SRRM3: variants seen among roughly 807,000 people sequenced by gnomAD.
The protein encoded by SRRM3 is serine/arginine repetitive matrix 3.
Under a neutral mutation model 66.2 loss-of-function variants are expected in SRRM3, and 27 were observed. The observed-to-expected ratio is 0.41, with a 90% CI of 0.30 to 0.56. The LOEUF (loss-of-function observed/expected upper bound fraction) is 0.56, where lower values mean the gene tolerates loss of function less well. SRRM3 is among the 20% of genes least tolerant of loss of function. The pLI, the probability that SRRM3 is intolerant of heterozygous loss-of-function variation, is 0.32. For synonymous variants in SRRM3, 391 were observed against 414.9 expected (o/e 0.94, Z 0.70); for missense variants, 918 against 991.9 (o/e 0.93, Z 1.00).
chr7:76,269,793 A>C, intron 11 of SRRM3: 1 of 148,998 alleles, frequency 6.7e-6, no homozygotes. Flanking sequence ...CAGAAATGCA[A>C]ACTATCTCTC....
At chr7:76,215,661 C>G (rs1201284077) in intron 1 of SRRM3, among the ~76,000 whole-genome samples, 1 of 137,182 alleles carries the variant, frequency 7.3e-6, no homozygotes, top group East Asian at 2.2e-4. Flanking sequence ...GAGTTTCACT[C>G]TTGTCGCCCA....
chr7:76,252,455 G>C (rs1311474529), intron 3 of SRRM3, among the ~76,000 whole-genome samples: 5 of 152,146 alleles, frequency 3.3e-5, no homozygotes, highest in Admixed American at 1.3e-4. Flanking sequence ...CCAAGTAGCT[G>C]GGATTATAGG....
rs553681242 is a variant in SRRM3 at position 76,210,091 on chromosome 7, G to A, written c.-40+8024G>A. Among the ~76,000 whole-genome samples, 202 of 152,282 alleles carry A rather than the reference G, an allele frequency of 1.3e-3. 1 individual carries two copies. In the Middle Eastern group the frequency reaches 0.017, roughly 13 times the overall value. ...TCTGTCTGCCTATTCATGTGGGCAG[G>A]AGGTGATGGTACCACTGAAAGGGGG... On this transcript the variant is annotated intron_variant, in intron 1 of 14. Transcript: ENST00000611745.
chr7:76,232,752 G>T (rs1176594541), intron 1 of SRRM3, among the ~76,000 whole-genome samples: 1 of 152,122 alleles, frequency 6.6e-6, no homozygotes, highest in Non-Finnish European at 1.5e-5. Context: ...TGGTGGAGAC[G>T]GGGCTGGACC....
chr7:76,203,922 G>A (rs1800224628), intron 1 of SRRM3, among the ~76,000 whole-genome samples: 1 of 152,108 alleles, frequency 6.6e-6, no homozygotes, highest in African/African-American at 2.4e-5. Context: ...CAGTAAGGAG[G>A]TGACTCCCAC....
chr7:76,283,194 G>A (rs1294343832), intron 14 of SRRM3, 93 bp downstream of exon 14: 8 of 1,263,332 alleles, frequency 6.3e-6, no homozygotes, highest in African/African-American at 1.6e-5. Context: ...CTTCTCTGAG[G>A]ATCCACTGAA....
chr7:76,215,979 T>G lies in SRRM3; in HGVS notation c.-40+13912T>G, dbSNP rs1474433430. Among the ~76,000 whole-genome samples, 1,035 of 151,186 alleles carry G rather than the reference T, an allele frequency of 6.8e-3. 31 individuals are homozygous for G. Among genetic ancestry groups the G allele is most frequent in the Admixed American group, 0.049 (749 of 15,166 alleles). On this transcript the variant is annotated intron_variant, in intron 1 of 14. Transcript: ENST00000611745. Reference sequence around the variant, plus strand: ...CGCCCAGCTAATTTTTTTTTTTTTTTTGTATTTTTAGTAGAGACGGGGTTT... The same window carrying G: ...CGCCCAGCTAATTTTTTTTTTTTTTGTGTATTTTTAGTAGAGACGGGGTTT...
At chr7:76,282,571 G>GGGACCCCCCCCCCCCCCCCCC in intron 12 of SRRM3, 77 bp from the exon 13 acceptor site, 3 of 92,250 alleles carry the variant, frequency 3.3e-5, no homozygotes, top group East Asian at 1.4e-4. Flanking sequence ...CCTAAGCCCC[G>GGGACCCCCCCCCCCCCCCCCC]CCCCAGGGAA....
rs183950761 is a variant in SRRM3 at position 76,212,203 on chromosome 7, C to T, written c.-40+10136C>T. Among the ~76,000 whole-genome samples the T allele has an allele frequency of 1.5e-3, 196 of 133,204 alleles. 10 individuals are homozygous for T. In the South Asian group the frequency reaches 0.041, roughly 28 times the overall value. 87.4% of individuals were successfully genotyped at this position (133,204 alleles called of 152,430 possible). On this transcript the variant is annotated intron_variant, in intron 1 of 14. Coordinates refer to ENST00000611745, the MANE Select transcript of SRRM3 (RefSeq NM_001110199.3). ...TTTGACAGGGTCTCAAACTGTTACT[C>T]GGGTTGGAGTGCAGTGGCACAATCG...
intron 2 of SRRM3, among the ~76,000 whole-genome samples, chr7:76,243,413 CCAA>C (rs1801358097): frequency 6.6e-6 from 1 of 152,112 alleles, no homozygotes; most frequent in South Asian, 2.1e-4. Flanking sequence ...CCAGCTTCTC[CCAA>C]CAAGATACCC....
At chr7:76,232,776 A>G (rs1801045976) in intron 1 of SRRM3, among the ~76,000 whole-genome samples, 1 of 152,146 alleles carries the variant, frequency 6.6e-6, no homozygotes, top group African/African-American at 2.4e-5. Flanking sequence ...AGGCAGGGCC[A>G]TGTTACGGCT....
Position 76,261,588 on chromosome 7 carries a change from G to T in SRRM3, c.674+7G>T, listed in dbSNP as rs1029527641. ...GGAGGAAGAGACGGCACAGGTGAGCGGCGCTTTGCAGAGGACATGGTCAGT... is the reference window on the plus strand; with the variant it reads ...GGAGGAAGAGACGGCACAGGTGAGCTGCGCTTTGCAGAGGACATGGTCAGT... On this transcript the variant is annotated splice_region_variant and intron_variant, in intron 8 of 14. Transcript: ENST00000611745. 6.2e-7 allele frequency: 1 copy of T among 1,610,472 alleles called. No homozygotes were observed. Among genetic ancestry groups the T allele is most frequent in the Non-Finnish European group, 8.5e-7 (1 of 1,178,576 alleles).
chr7:76,285,778 A>T lies in SRRM3; in HGVS notation c.1897A>T (p.Ser633Cys), dbSNP rs1802652549. Residue 633 changes from serine to cysteine, a missense_variant, in exon 15 of 15, where the codon AGC (serine) becomes TGC (cysteine). Coordinates refer to ENST00000611745, the MANE Select transcript of SRRM3 (RefSeq NM_001110199.3). This position sits in a 1 kb window ranked among gnomAD's most constrained non-coding sequence, Gnocchi z 4.1. ...CCATGGGACCCGCAGCCGGACACGC[A>T]GCCCCTCGAGGACCCCCAGTCCCAG... is the stretch of plus-strand genomic sequence containing the variant. ...RSHGTRSRTRSPSRTPSPSYH... is the reference protein window; with the variant it reads ...RSHGTRSRTRCPSRTPSPSYH... 2 of 1,550,808 alleles carry T rather than the reference A, an allele frequency of 1.3e-6. No homozygotes were observed. The highest frequency in any genetic ancestry group is 1.7e-6 in the Non-Finnish European group (2 of 1,147,128).
chr7:76,226,565 G>GTTAT lies in SRRM3; in HGVS notation c.-39-8432_-39-8429dup, dbSNP rs201770924. ...AAAGGAAGTGGGCTGAAGGTCTGGT[G>GTTAT]TTATTTATTTATTTATTTATTTATT... On this transcript the variant is annotated intron_variant, in intron 1 of 14. Coordinates refer to ENST00000611745, the MANE Select transcript of SRRM3 (RefSeq NM_001110199.3). Among the ~76,000 whole-genome samples, 1,274 of 148,322 alleles carry GTTAT rather than the reference G, an allele frequency of 8.6e-3. 7 individuals are homozygous for GTTAT. The highest frequency in any genetic ancestry group is 0.045 in the Middle Eastern group (13 of 292).
chr7:76,263,783 G>A (rs368132089), intron 8 of SRRM3, among the ~76,000 whole-genome samples: 1 of 144,248 alleles, frequency 6.9e-6, no homozygotes, highest in East Asian at 2.2e-4. Context: ...TGAGGCATGA[G>A]AATTGCTTGA....
rs57880700 is a variant in SRRM3, at chr7:76,255,148, C to CTTTTTTTTTTTTTTTTTTTTTT, written c.336-4739_336-4738insTTTTTTTTTTTTTTTTTTTTTT. On this transcript the variant is annotated intron_variant, in intron 3 of 14. Coordinates refer to ENST00000611745, the MANE Select transcript of SRRM3 (RefSeq NM_001110199.3). ...CTTTTCTTTCTTTCTTTCTTTCTTT[C>CTTTTTTTTTTTTTTTTTTTTTT]TTTTTTTTTTTTTTTTTTTGAGATG... Among the ~76,000 whole-genome samples, 33 of 83,170 alleles carry CTTTTTTTTTTTTTTTTTTTTTT rather than the reference C, an allele frequency of 4.0e-4. 1 individual carries two copies. Among genetic ancestry groups the CTTTTTTTTTTTTTTTTTTTTTT allele is most frequent in the African/African-American group, 1.0e-3 (16 of 15,890 alleles). 54.6% of individuals were successfully genotyped at this position (83,170 alleles called of 152,430 possible). A position where few individuals can be genotyped will look rare whatever the true frequency, so the allele number is the denominator to read the frequency against.
intron 8 of SRRM3, among the ~76,000 whole-genome samples, chr7:76,262,013 C>T (rs1330295101): frequency 6.6e-6 from 1 of 151,696 alleles, no homozygotes; most frequent in African/African-American, 2.4e-5. Context: ...TTCTCGGGGA[C>T]AGGTGCTAGC....
Position 76,281,603 on chromosome 7 carries a change from C to T in SRRM3, c.1171C>T (p.Arg391Cys). The T allele has an allele frequency of 1.0e-6, 1 of 975,566 alleles. No individual in the cohort carries two copies. Among genetic ancestry groups the T allele is most frequent in the Non-Finnish European group, 1.2e-6 (1 of 823,638 alleles). 60.4% of individuals were successfully genotyped at this position (975,566 alleles called of 1,614,324 possible). A position where few individuals can be genotyped will look rare whatever the true frequency, so the allele number is the denominator to read the frequency against. ...GGCGGGCAGGCGGCGGCGGCGGCGG[C>T]GTAGGCGGCGGCGCTCGCGGTCCTC... ...GGAGRRRRRRRRRRRSRSSAS... is the reference protein window; with the variant it reads ...GGAGRRRRRRCRRRRSRSSAS... The change falls in exon 12 of 15, where the codon CGT becomes TGT. Residue 391 changes from arginine (R) to cysteine (C), a missense_variant. By Grantham distance (180) the Arg-to-Cys change is radical (BLOSUM62 -3). Transcript: ENST00000611745.
chr7:76,227,201 C>T (rs1002721372), intron 1 of SRRM3, among the ~76,000 whole-genome samples: 5 of 151,272 alleles, frequency 3.3e-5, no homozygotes, highest in African/African-American at 9.7e-5. Context: ...CTCAGCCAAT[C>T]AGTGGTAGGG....
Sources: allele counts gnomAD v4.1 joint callset (sites outside exome capture counted in the v4.1 genomes callset), GRCh38; gene constraint gnomAD v4.1.1; non-coding constraint Gnocchi (gnomAD v3.1); transcripts MANE v1.5; gene names NCBI Gene and HGNC (gene_info 2026-07-23, HGNC 2026-07-21).